The following CEP128 variants were observed in gnomAD, a reference collection of about 807,000 sequenced individuals.
CEP128 encodes centrosomal protein 128kDa.
Under a neutral mutation model 156.7 loss-of-function variants are expected in CEP128, and 132 were observed. The observed-to-expected ratio is 0.84, with a 90% confidence interval of 0.73 to 0.97. The LOEUF is 0.97. Ranked by LOEUF, CEP128 falls within the 50% of genes least tolerant of loss-of-function variation. The probability of loss-of-function intolerance (pLI) is 0.00; values close to 1 mark genes in which losing one functional copy is unlikely to be tolerated. For missense variants in CEP128, 1,252 were observed against 1,281.9 expected (o/e 0.98, Z 0.36); for synonymous variants, 469 against 448.9 (o/e 1.04, Z -0.57).
At chr14:80,941,399 G>A (rs568857143) in intron 1 of CEP128, among the ~76,000 whole-genome samples, 182 bp downstream of exon 1, 14 of 152,198 alleles carry the variant, frequency 9.2e-5, no homozygotes, top group African/African-American at 2.6e-4. Context: ...GGGAGGCCTC[G>A]GGATGACAGG....
intron 6 of CEP128, among the ~76,000 whole-genome samples, chr14:80,902,112 T>C (rs1883600386): frequency 6.6e-6 from 1 of 152,168 alleles, no homozygotes; most frequent in African/African-American, 2.4e-5. Flanking sequence ...TCCTCTACCA[T>C]ACAATTCTGT....
At chr14:80,621,175 T>C (rs1195641510) in intron 19 of CEP128, among the ~76,000 whole-genome samples, 1 of 152,208 alleles carries the variant, frequency 6.6e-6, no homozygotes, top group Non-Finnish European at 1.5e-5. Context: ...AAATATCTCA[T>C]AATTTTTTTA....
At position 80,564,320 on chromosome 14, in the gene CEP128, A is replaced by T. The variant is rs138257289; in HGVS notation, c.2857-5018T>A. ...AATAGCTGTTCTTACCAATAAGTGA[A>T]TATTACACTTTCTAAGTAAAAATAA... On this transcript the variant is annotated intron_variant, in intron 20 of 24. Transcript: ENST00000555265. Among the ~76,000 whole-genome samples, 304 of 152,348 alleles carry T rather than the reference A, an allele frequency of 2.0e-3. 2 individuals carry two copies. The highest frequency in any genetic ancestry group is 7.1e-3 in the African/African-American group (297 of 41,590).
chr14:80,682,470 T>C (rs931016651), intron 19 of CEP128, among the ~76,000 whole-genome samples: 9 of 152,206 alleles, frequency 5.9e-5, no homozygotes, highest in Non-Finnish European at 1.0e-4. Context: ...ACCTAGGAAT[T>C]ATTGGCATTC....
Position 80,734,846 on chromosome 14 carries a change from CAAAAAAAAAAAAAAAAA to C in CEP128, c.2806+8212_2806+8228del, listed in dbSNP as rs397798792. Reference sequence around the variant, plus strand: ...CTGGTGACATATCAAGACCCCATCTCAAAAAAAAAAAAAAAAAAAAAAAGGAAAAACAGTAACTGAAA... The same window carrying C: ...CTGGTGACATATCAAGACCCCATCTCAAAAAAGGAAAAACAGTAACTGAAA... On this transcript the variant is annotated intron_variant, in intron 19 of 24. Transcript: ENST00000555265. Among the ~76,000 whole-genome samples the C allele has an allele frequency of 1.6e-3, 101 of 62,070 alleles. 2 individuals are homozygous for C. The highest frequency in any genetic ancestry group is 2.2e-3 in the Non-Finnish European group (71 of 31,882). The allele number at this position is 62,070 out of a possible 152,430, so 40.7% of individuals were successfully genotyped here.
intron 13 of CEP128, among the ~76,000 whole-genome samples, chr14:80,823,893 G>T (rs1001835870): frequency 1.3e-5 from 2 of 152,248 alleles, no homozygotes; most frequent in South Asian, 4.1e-4. Flanking sequence ...AATGTGCGGG[G>T]ATTCCAACCC....
chr14:80,485,428 G>A (rs1352932883), intron 14 of CEP128, among the ~76,000 whole-genome samples: 1 of 152,018 alleles, frequency 6.6e-6, no homozygotes, highest in Non-Finnish European at 1.5e-5. Context: ...GCAATAAACA[G>A]TGAAATATGA....
intron 13 of CEP128, among the ~76,000 whole-genome samples, chr14:80,820,431 T>C (rs115357261): frequency 3.9e-5 from 6 of 152,242 alleles, no homozygotes; most frequent in Admixed American, 6.5e-5. Flanking sequence ...AAAGCTATGT[T>C]ACAATGCTAC....
At chr14:80,612,310 G>C (rs1341329379) in intron 19 of CEP128, among the ~76,000 whole-genome samples, 1 of 152,134 alleles carries the variant, frequency 6.6e-6, no homozygotes, top group Non-Finnish European at 1.5e-5. Context: ...GGGTGAAAGA[G>C]AAATGAATGT....
intron 19 of CEP128, among the ~76,000 whole-genome samples, chr14:80,635,867 AAC>A (rs1181411337): frequency 2.6e-5 from 4 of 152,228 alleles, no homozygotes; most frequent in Non-Finnish European, 5.9e-5. Context: ...GCAGGTGCAC[AAC>A]ACACAGTTTA....
chr14:80,838,097 T>C, intron 11 of CEP128, 107 bp downstream of exon 11: 2 of 753,146 alleles, frequency 2.7e-6, no homozygotes, highest in South Asian at 3.9e-5. Context: ...AGGAAAACAT[T>C]TTTTCTAGAC....
At chr14:80,933,397 T>C (rs1885593962) in intron 2 of CEP128, among the ~76,000 whole-genome samples, 2 of 152,194 alleles carry the variant, frequency 1.3e-5, no homozygotes. Flanking sequence ...GCACTGTCTG[T>C]CAGCCCAGGG....
At chr14:80,750,922 G>A (rs928785903) in intron 18 of CEP128, among the ~76,000 whole-genome samples, 1 of 152,244 alleles carries the variant, frequency 6.6e-6, no homozygotes, top group African/African-American at 2.4e-5. Context: ...GTTAAATAAG[G>A]TCATAAGAGT....
At chr14:80,919,893 G>A (rs112583233) in intron 2 of CEP128, among the ~76,000 whole-genome samples, 3 of 152,278 alleles carry the variant, frequency 2.0e-5, no homozygotes, top group African/African-American at 7.2e-5. Context: ...AATAAAAGAT[G>A]TTCAAACTCC....
At position 80,941,577 on chromosome 14, in the gene CEP128, G is replaced by A. The variant is rs3742721; in HGVS notation, c.-172+4C>T. On this transcript the variant is annotated splice_donor_region_variant and intron_variant, in intron 1 of 24. Coordinates refer to ENST00000555265, the MANE Select transcript of CEP128 (RefSeq NM_152446.5). Reference sequence around the variant, plus strand: ...AAGGGCAAGGGGGAGGTGGGGGCAGGTACCTGAGACGGAGGATGATCCCAG... The same window carrying A: ...AAGGGCAAGGGGGAGGTGGGGGCAGATACCTGAGACGGAGGATGATCCCAG... 83,659 of 152,370 alleles carry A rather than the reference G, an allele frequency of 0.55. 23,572 individuals carry two copies. Among genetic ancestry groups the A allele is most frequent in the East Asian group, 0.68 (3,491 of 5,134 alleles). The allele number at this position is 152,370 out of a possible 1,614,324, so 9.4% of individuals were successfully genotyped here.
chr14:80,732,539 G>C (rs940167577), intron 19 of CEP128, among the ~76,000 whole-genome samples: 1 of 147,698 alleles, frequency 6.8e-6, no homozygotes, highest in African/African-American at 2.5e-5. Flanking sequence ...AATAAAACCT[G>C]TTAGGTAGAG....
chr14:80,959,163 C>T (rs1474541852), intron 1 of CEP128, among the ~76,000 whole-genome samples: 1 of 152,070 alleles, frequency 6.6e-6, no homozygotes. Flanking sequence ...TTCCTCACTC[C>T]TCCCCTCCAG....
At chr14:80,938,498 C>T (rs1885959770) in intron 2 of CEP128, among the ~76,000 whole-genome samples, 1 of 152,028 alleles carries the variant, frequency 6.6e-6, no homozygotes, top group African/African-American at 2.4e-5. Flanking sequence ...CTGCCTGCCT[C>T]GGCCTCCTAA....
At chr14:80,772,961 G>A (rs1900593575) in intron 16 of CEP128, among the ~76,000 whole-genome samples, 1 of 152,176 alleles carries the variant, frequency 6.6e-6, no homozygotes, top group Non-Finnish European at 1.5e-5. Context: ...ACATTGTCAA[G>A]GCTAGCTAAC....
Sources: allele counts gnomAD v4.1 joint callset (sites outside exome capture counted in the v4.1 genomes callset), GRCh38; gene constraint gnomAD v4.1.1; transcripts MANE v1.5; gene names NCBI Gene and HGNC (gene_info 2026-07-23, HGNC 2026-07-21).